The following KNL1 variants were observed in gnomAD, a reference collection of about 807,000 sequenced individuals.
KNL1 encodes the protein outer kinetochore KNL1 complex subunit KNL1.
KNL1 carries 66 observed loss-of-function variants against 201.3 expected under a neutral mutation model. That is an observed-to-expected ratio of 0.33 (90% CI 0.27 to 0.40). The LOEUF (loss-of-function observed/expected upper bound fraction) is 0.40. KNL1 is among the 10% of genes least tolerant of loss of function. KNL1 has a pLI of 1.00. For synonymous variants in KNL1, 895 were observed against 899.2 expected, an observed-to-expected ratio of 1.00 and a Z score of 0.08; for missense variants, 2,815 against 2,690.5, an observed-to-expected ratio of 1.05 and a Z score of -1.02.
At chr15:40,634,829 C>T (rs1380833072) in intron 13 of KNL1, among the ~76,000 whole-genome samples, 1 of 152,132 alleles carries the variant, frequency 6.6e-6, no homozygotes, top group African/African-American at 2.4e-5. Context: ...TGATCCTTGA[C>T]AAATTGATGT....
intron 13 of KNL1, among the ~76,000 whole-genome samples, chr15:40,638,632 C>T (rs902983198): frequency 6.6e-6 from 1 of 151,570 alleles, no homozygotes; most frequent in East Asian, 1.9e-4. Flanking sequence ...GCTGGGATTA[C>T]GGGTGCCCAC....
rs756152466 is a variant in KNL1, at chr15:40,619,009, G to A, written c.373G>A (p.Glu125Lys). Residue 125 changes from glutamate to lysine, a missense_variant and splice_region_variant, in exon 9 of 26, where the codon GAG (glutamate) becomes AAG (lysine). This residue lies in a region of KNL1 where 2,464 missense variants were observed against 2,291.7 expected (regional missense o/e 1.08). Coordinates refer to ENST00000399668, the MANE Select transcript of KNL1 (RefSeq NM_144508.5). ...APIHTQMQQK[E>K]FSIIEHTRER... ...CATTCATACCCAGATGCAACAGAAG[G>A]AGGTATGAGTTCATGCAAATACCTT... 3.1e-5 allele frequency: 50 copies of A among 1,595,044 alleles called. No individual in the cohort carries two copies. Among genetic ancestry groups the A allele is most frequent in the Non-Finnish European group, 4.1e-5 (48 of 1,163,766 alleles).
chr15:40,620,854 A>G lies in KNL1; in HGVS notation c.590A>G (p.Lys197Arg), dbSNP rs746673097. Residue 197 changes from lysine to arginine, a missense_variant, in exon 10 of 26, where the codon AAA (lysine) becomes AGA (arginine). Lys to Arg is a conservative substitution (Grantham distance 26, BLOSUM62 2). Around this residue, in one of 3 missense-constraint regions of KNL1, gnomAD observed 2,464 missense variants for 2,291.7 expected, o/e 1.08. Transcript: ENST00000399668. ...KLHTEDSRMK[K>R]EVNFSVDQNT... ...CACACCGAGGACTCAAGAATGAAAAAAGAAGTAAATTTTTCCGTGGATCAA... is the reference window on the plus strand; with the variant it reads ...CACACCGAGGACTCAAGAATGAAAAGAGAAGTAAATTTTTCCGTGGATCAA... The G allele has an allele frequency of 1.3e-6, 2 of 1,595,836 alleles. No individual in the cohort carries two copies. The highest frequency in any genetic ancestry group is 2.3e-5 in the South Asian group (2 of 88,472).
Position 40,606,437 on chromosome 15 carries a change from G to A in KNL1, c.120G>A (p.Gly40=). ...GTCCTCTTCAGGACCTCAGAGGTGG[G>A]AATGAAAGAGTTCAGGTAAGTCTTT... ...PRSPLQDLRG[G]NERVQESNAL... Residue 40 remains glycine, a synonymous_variant, in exon 4 of 26, where the codon GGG becomes GGA. Transcript: ENST00000399668. 6.4e-7 allele frequency: 1 copy of A among 1,567,166 alleles called. No homozygotes were observed. Among genetic ancestry groups the A allele is most frequent in the Non-Finnish European group, 8.8e-7 (1 of 1,137,568 alleles).
Position 40,610,267 on chromosome 15 carries a change from A to T in KNL1, c.220A>T (p.Met74Leu), listed in dbSNP as rs1362165934. The part of the protein sequence containing the change: ...TIKVFQTESH[M>L]KIVRKSEMEE... The stretch of plus-strand genomic sequence containing the variant: ...TAGGGTATTCCAGACGGAGTCTCAT[A>T]TGAAAATAGTGAGAAAGTCAGAAAT... The change falls in exon 6 of 26, where the codon ATG becomes TTG. Residue 74 changes from methionine (M) to leucine (L), a missense_variant. By Grantham distance (15) the Met-to-Leu change is conservative. Around this residue, in one of 3 missense-constraint regions of KNL1, gnomAD observed 2,464 missense variants for 2,291.7 expected, o/e 1.08. Coordinates refer to ENST00000399668, the MANE Select transcript of KNL1 (RefSeq NM_144508.5). 4 of 1,521,518 alleles carry T rather than the reference A, an allele frequency of 2.6e-6. No individual in the cohort carries two copies. In the South Asian group the frequency reaches 4.5e-5, roughly 17 times the overall value. 94.3% of individuals were successfully genotyped at this position (1,521,518 alleles called of 1,614,324 possible). A position where few individuals can be genotyped will look rare whatever the true frequency, so the allele number is the denominator to read the frequency against.
intron 21 of KNL1, 84 bp downstream of exon 21, chr15:40,652,189 C>A (rs1893586105): frequency 2.4e-6 from 2 of 837,954 alleles, no homozygotes; most frequent in Non-Finnish European, 3.9e-6. Context: ...TTTTACTATA[C>A]TGATAACTAT....
At chr15:40,602,343 A>G (rs1891830932) in intron 1 of KNL1, among the ~76,000 whole-genome samples, 1 of 140,010 alleles carries the variant, frequency 7.1e-6, no homozygotes. Context: ...TCACCGTGTT[A>G]GCCAGGATGG....
intron 13 of KNL1, among the ~76,000 whole-genome samples, chr15:40,639,005 C>T (rs1324659969): frequency 1.3e-5 from 2 of 151,198 alleles, no homozygotes; most frequent in Non-Finnish European, 3.0e-5. Flanking sequence ...GTTGGTCAGG[C>T]TGGTCACCAA....
rs987198080 is a variant in KNL1, at chr15:40,601,643, C to A, written c.-17-1272C>A. Reference sequence around the variant, plus strand: ...TCAGGAGATCGAGACCACGGTGAAACCCCGTCTCTACTAAAAATACAAAAA... The same window carrying A: ...TCAGGAGATCGAGACCACGGTGAAAACCCGTCTCTACTAAAAATACAAAAA... On this transcript the variant is annotated intron_variant, in intron 1 of 25. Transcript: ENST00000399668. Among the ~76,000 whole-genome samples the A allele has an allele frequency of 6.0e-4, 91 of 151,720 alleles. 1 individual carries two copies. The highest frequency in any genetic ancestry group is 6.9e-3 in the Middle Eastern group (2 of 290).
At chr15:40,650,518 T>A (rs754320535) in intron 18 of KNL1, 26 bp from the exon 19 acceptor site, 2 of 374,064 alleles carry the variant, frequency 5.3e-6, no homozygotes, top group Admixed American at 6.9e-5. Context: ...GTTTGTTCTG[T>A]TTTTTTTTTT....
At chr15:40,641,074 C>A in intron 14 of KNL1, 47 bp downstream of exon 14, 1 of 1,246,852 alleles carries the variant, frequency 8.0e-7, no homozygotes, top group Non-Finnish European at 1.2e-6. Context: ...GGGGAGGGAT[C>A]AGTTAATAGT....
At position 40,623,620 on chromosome 15, in the gene KNL1, A is replaced by G. The variant is rs1171618297; in HGVS notation, c.3356A>G (p.Tyr1119Cys). 2.5e-6 allele frequency: 4 copies of G among 1,613,694 alleles called. No homozygotes were observed. The highest frequency in any genetic ancestry group is 3.4e-6 in the Non-Finnish European group (4 of 1,179,926). The change falls in exon 10 of 26, where the codon TAT becomes TGT. Residue 1119 changes from tyrosine to cysteine, a missense_variant. Physicochemically the swap from Tyr to Cys is radical, Grantham distance 194 (BLOSUM62 -2). Coordinates refer to ENST00000399668, the MANE Select transcript of KNL1 (RefSeq NM_144508.5). ...GCAGGGGCTTCTAAAACTATTTTGT[A>G]TTCATGTGGGCAGGATGACATGGAG... ...HLAGASKTIL[Y>C]SCGQDDMEIT...
rs1225494613 is a variant in KNL1, at chr15:40,645,705, A to G, written c.5939A>G (p.Lys1980Arg). 30 of 1,610,620 alleles carry G rather than the reference A, an allele frequency of 1.9e-5. No individual in the cohort carries two copies. The highest frequency in any genetic ancestry group is 2.5e-5 in the Non-Finnish European group (30 of 1,179,118). Residue 1980 changes from lysine to arginine, a missense_variant, in exon 16 of 26, where the codon AAG becomes AGG. By Grantham distance (26) the Lys-to-Arg change is conservative. Coordinates refer to ENST00000399668, the MANE Select transcript of KNL1 (RefSeq NM_144508.5). ...AACAAAATAAAGTCATGTTTTACCA[A>G]GATGACTAAAGTCTTCACTCACCAA... ...YLNKIKSCFTKMTKVFTHQGK... is the reference protein window; with the variant it reads ...YLNKIKSCFTRMTKVFTHQGK...
intron 13 of KNL1, among the ~76,000 whole-genome samples, chr15:40,634,398 C>A (rs138784024): frequency 6.6e-6 from 1 of 152,244 alleles, no homozygotes; most frequent in Non-Finnish European, 1.5e-5. Flanking sequence ...AGCCACCACG[C>A]CTGGTGCGTG....
intron 1 of KNL1, among the ~76,000 whole-genome samples, chr15:40,596,728 C>T (rs1264171025): frequency 1.3e-5 from 2 of 151,716 alleles, no homozygotes; most frequent in African/African-American, 2.4e-5. Context: ...GGGCCGGGCA[C>T]GGTGGCTCAC....
intron 22 of KNL1, 82 bp from the exon 23 acceptor site, chr15:40,656,960 T>G: frequency 1.7e-6 from 1 of 591,278 alleles, no homozygotes; most frequent in South Asian, 2.9e-5. Flanking sequence ...TTCTAGCTTA[T>G]ATAATATAGT....
In KNL1 at chr15:40,620,656, A is replaced by T. The variant is rs1382025897; in HGVS notation, c.392A>T (p.His131Leu). ...MQQKEFSIIE[H>L]TRERKHANDQ... ...TCATTATAGTTTTCAATTATAGAAC[A>T]TACCCGTGAAAGGAAACATGCAAAT... Residue 131 changes from histidine to leucine, a missense_variant, in exon 10 of 26, where the codon CAT becomes CTT. His to Leu is a moderately conservative substitution (Grantham distance 99, BLOSUM62 -3). This residue lies in a region of KNL1 where 2,464 missense variants were observed against 2,291.7 expected (regional missense o/e 1.08). Transcript: ENST00000399668. The T allele has an allele frequency of 6.3e-7, 1 of 1,582,122 alleles. No individual in the cohort carries two copies. Among genetic ancestry groups the T allele is most frequent in the African/African-American group, 1.4e-5 (1 of 72,980 alleles).
At chr15:40,626,747 T>G (rs113767438) in intron 10 of KNL1, among the ~76,000 whole-genome samples, 5,074 of 151,442 alleles carry the variant, frequency 0.034, 272 homozygotes, top group African/African-American at 0.12. Flanking sequence ...GCCCAGCTAA[T>G]TTTTGTATTT....
intron 2 of KNL1, among the ~76,000 whole-genome samples, chr15:40,604,071 C>T (rs1243813740): frequency 3.3e-5 from 5 of 152,034 alleles, no homozygotes; most frequent in South Asian, 2.1e-4. Flanking sequence ...CAAGCCCCAC[C>T]TGTGGAGTCA....
Sources: allele counts gnomAD v4.1 joint callset (sites outside exome capture counted in the v4.1 genomes callset), GRCh38; gene constraint gnomAD v4.1.1; regional missense constraint gnomAD v4.1.1; transcripts MANE v1.5; gene names NCBI Gene and HGNC (gene_info 2026-07-23, HGNC 2026-07-21).